FANCM: variants seen among roughly 807,000 people sequenced by gnomAD.
FANCM encodes FA complementation group M.
A neutral mutation model predicts 199.5 loss-of-function variants in FANCM; 140 were observed. That is an observed-to-expected ratio of 0.70 (90% CI 0.61 to 0.81). FANCM has a LOEUF of 0.81. Ranked by LOEUF, FANCM falls within the 30% of genes least tolerant of loss-of-function variation. FANCM has a pLI of 0.00. For synonymous variants in FANCM, 840 were observed against 836.8 expected (o/e 1.00, Z -0.07); for missense variants, 2,410 against 2,421.4 (o/e 1.00, Z 0.10).
At chr14:45,164,667 A>G (rs1337737543) in intron 10 of FANCM, 102 bp downstream of exon 10, 1 of 935,976 alleles carries the variant, frequency 1.1e-6, no homozygotes, top group Admixed American at 2.2e-5. Flanking sequence ...AACACTCTGT[A>G]GATAGTTTTG....
intron 4 of FANCM, 36 bp from the exon 5 acceptor site, chr14:45,151,361 G>A: frequency 1.3e-6 from 2 of 1,598,104 alleles, no homozygotes; most frequent in Non-Finnish European, 1.7e-6. Flanking sequence ...AAGGACTTTA[G>A]AGCAAGCTTA....
intron 3 of FANCM, 24 bp from the exon 4 acceptor site, chr14:45,148,813 T>C (rs1304030263): frequency 6.4e-7 from 1 of 1,560,064 alleles, no homozygotes; most frequent in Non-Finnish European, 8.8e-7. Flanking sequence ...TAGTTTATAA[T>C]CATACTTAAT....
In FANCM at chr14:45,176,138, T is replaced by G. The variant is rs1888673774; in HGVS notation, c.3384T>G (p.Thr1128=). ...VDNSDLPVLS[T]DQDESLLLFE... ...ACAGTGACCTCCCAGTATTGTCCAC[T>G]GATCAAGATGAAAGTTTGCTGTTAT... Residue 1128 remains threonine, a synonymous_variant, in exon 14 of 23, where the codon ACT becomes ACG. Coordinates refer to ENST00000267430, the MANE Select transcript of FANCM (RefSeq NM_020937.4). The G allele has an allele frequency of 1.2e-6, 2 of 1,614,060 alleles. No homozygotes were observed. Among genetic ancestry groups the G allele is most frequent in the Non-Finnish European group, 1.7e-6 (2 of 1,179,922 alleles).
At chr14:45,195,211 C>T (rs1889991083) in intron 20 of FANCM, among the ~76,000 whole-genome samples, 1 of 152,160 alleles carries the variant, frequency 6.6e-6, no homozygotes, top group South Asian at 2.1e-4. Flanking sequence ...CAGTTTCATA[C>T]ATTCATATAG....
chr14:45,198,223 GAAGT>G (rs1295813156), intron 21 of FANCM, among the ~76,000 whole-genome samples: 2 of 152,172 alleles, frequency 1.3e-5, no homozygotes, highest in Admixed American at 1.3e-4. Context: ...AAAGGGTAGG[GAAGT>G]AATTGGCAAG....
intron 8 of FANCM, among the ~76,000 whole-genome samples, chr14:45,155,676 G>A (rs1478308303): frequency 6.6e-6 from 1 of 152,202 alleles, no homozygotes. Flanking sequence ...GCACATGCTT[G>A]TAATCCCAGC....
At chr14:45,156,753 A>G (rs1461052933) in intron 8 of FANCM, among the ~76,000 whole-genome samples, 1 of 152,006 alleles carries the variant, frequency 6.6e-6, no homozygotes, top group African/African-American at 2.4e-5. Context: ...CCCCGTCTCT[A>G]CTAAAAATAC....
At chr14:45,145,548 C>T (rs1032103770) in intron 3 of FANCM, among the ~76,000 whole-genome samples, 2 of 152,206 alleles carry the variant, frequency 1.3e-5, no homozygotes, top group African/African-American at 2.4e-5. Flanking sequence ...AAACTGCACT[C>T]TCCTTCCCCC....
rs979950434 is a variant in FANCM, at chr14:45,136,428, C to T, written c.397C>T (p.Pro133Ser). 1.2e-6 allele frequency: 2 copies of T among 1,614,178 alleles called. No homozygotes were observed. The highest frequency in any genetic ancestry group is 1.7e-6 in the Non-Finnish European group (2 of 1,180,048). Residue 133 changes from proline to serine, a missense_variant, in exon 1 of 23, where the codon CCT becomes TCT. Pro to Ser is a moderately conservative substitution (Grantham distance 74). Transcript: ENST00000267430. The part of the protein sequence containing the change: ...VVMYNFYRWF[P>S]SGKVVFMAPT... Reference sequence around the variant, plus strand: ...CATGTACAATTTCTACCGCTGGTTCCCTTCAGGAAAGGTGGTCTTCATGGC... The same window carrying T: ...CATGTACAATTTCTACCGCTGGTTCTCTTCAGGAAAGGTGGTCTTCATGGC...
chr14:45,148,714 A>C (rs1886604567), intron 3 of FANCM, 123 bp from the exon 4 acceptor site: 1 of 662,572 alleles, frequency 1.5e-6, no homozygotes, highest in African/African-American at 1.8e-5. Flanking sequence ...CTTTTTTGTT[A>C]CTTAATGATA....
chr14:45,153,710 A>C (rs904566680), intron 5 of FANCM, among the ~76,000 whole-genome samples: 1 of 152,230 alleles, frequency 6.6e-6, no homozygotes, highest in African/African-American at 2.4e-5. Context: ...CAGATTTTAC[A>C]TACAAAATAC....
At position 45,136,547 on chromosome 14, in the gene FANCM, A is replaced by C. The variant is rs746817538; in HGVS notation, c.508+8A>C. The C allele has an allele frequency of 6.2e-7, 1 of 1,612,466 alleles. No individual in the cohort carries two copies. Among genetic ancestry groups the C allele is most frequent in the South Asian group, 1.1e-5 (1 of 91,080 alleles). On this transcript the variant is annotated splice_region_variant and intron_variant, in intron 1 of 22. Coordinates refer to ENST00000267430, the MANE Select transcript of FANCM (RefSeq NM_020937.4). ...ACATGGCCGAAATGACAGGTATCTTAGACTGGACTAATTTTGAAGTAAGAG... is the reference window on the plus strand; with the variant it reads ...ACATGGCCGAAATGACAGGTATCTTCGACTGGACTAATTTTGAAGTAAGAG...
intron 20 of FANCM, among the ~76,000 whole-genome samples, chr14:45,194,316 CAAAA>C (rs1168921903): frequency 1.4e-5 from 2 of 146,380 alleles, no homozygotes; most frequent in Admixed American, 6.8e-5. Context: ...AAAAAAAAAA[CAAAA>C]AAAAACCAAA....
intron 3 of FANCM, 72 bp downstream of exon 3, chr14:45,140,781 C>A: frequency 1.1e-6 from 1 of 935,196 alleles, no homozygotes; most frequent in Non-Finnish European, 1.7e-6. Context: ...TGAGTCATAC[C>A]TGTAATCCTA....
chr14:45,166,298 ATT>A (rs967861093), intron 10 of FANCM, among the ~76,000 whole-genome samples: 2 of 145,858 alleles, frequency 1.4e-5, no homozygotes, highest in Admixed American at 6.8e-5. Flanking sequence ...TGCCCGGCTA[ATT>A]TTTTTTTTTT....
intron 7 of FANCM, 133 bp from the exon 8 acceptor site, chr14:45,155,240 C>T: frequency 1.1e-5 from 6 of 531,430 alleles, no homozygotes; most frequent in South Asian, 2.2e-5. Context: ...TAGATGTTAC[C>T]TCTGGTTTAA....
In FANCM at chr14:45,167,475, T is replaced by C. The variant is rs1393484683; in HGVS notation, c.2002+312T>C. On this transcript the variant is annotated intron_variant, in intron 11 of 22. Transcript: ENST00000267430. ...TAATAAGCATTAAACCAGATTACAA[T>C]GTGCGCTGAAGATAATGTACTAAGA... 1.6e-5 allele frequency: 5 copies of C among 308,878 alleles called. No homozygotes were observed. In the East Asian group the frequency reaches 3.9e-4, roughly 24 times the overall value. 19.1% of individuals were successfully genotyped at this position (308,878 alleles called of 1,614,324 possible).
In FANCM at chr14:45,198,736, TG is replaced by T. The variant is rs776080134; in HGVS notation, c.5810del (p.Cys1937SerfsTer9). The T allele has an allele frequency of 6.2e-7, 1 of 1,614,050 alleles. No homozygotes were observed. Among genetic ancestry groups the T allele is most frequent in the Non-Finnish European group, 8.5e-7 (1 of 1,179,962 alleles). On this transcript the variant is annotated frameshift_variant, in exon 22 of 23. Coordinates refer to ENST00000267430, the MANE Select transcript of FANCM (RefSeq NM_020937.4). LOFTEE classifies it high-confidence loss of function. ...GAGIRILFSS[C>X]QEETADLLKE... ...TGGAATCCGAATTCTTTTCAGTTCC[TG>T]CCAAGAAGAAACCGCAGATTTGCTA...
At chr14:45,165,970 A>G (rs974457332) in intron 10 of FANCM, among the ~76,000 whole-genome samples, 1 of 152,204 alleles carries the variant, frequency 6.6e-6, no homozygotes, top group African/African-American at 2.4e-5. Flanking sequence ...AACAAACTGA[A>G]ATAAGGGAAT....
Sources: allele counts gnomAD v4.1 joint callset (sites outside exome capture counted in the v4.1 genomes callset), GRCh38; gene constraint gnomAD v4.1.1; transcripts MANE v1.5; gene names NCBI Gene and HGNC (gene_info 2026-07-23, HGNC 2026-07-21).